EXOC4: variants seen among roughly 807,000 people sequenced by gnomAD.
EXOC4 encodes the protein exocyst complex component 4.
A neutral mutation model predicts 107.2 loss-of-function variants in EXOC4; 71 were observed. The ratio of observed to expected loss-of-function variants is 0.66; its 90% CI spans 0.55 to 0.81. The LOEUF is 0.81. Ranked by LOEUF, EXOC4 falls within the 30% of genes least tolerant of loss-of-function variation. EXOC4 has a pLI of 0.00. For missense variants in EXOC4, 1,108 were observed against 1,189.6 expected (o/e 0.93, Z 1.01); for synonymous variants, 456 against 441.2 (o/e 1.03, Z -0.42).
intron 4 of EXOC4, among the ~76,000 whole-genome samples, chr7:133,306,992 C>T (rs146514217): frequency 1.1e-4 from 17 of 152,244 alleles, no homozygotes; most frequent in Admixed American, 9.2e-4. Flanking sequence ...GTGCATAGTA[C>T]ATGTCCTTCC....
At chr7:133,275,307 G>C in intron 2 of EXOC4, 136 bp downstream of exon 2, 1 of 671,154 alleles carries the variant, frequency 1.5e-6, no homozygotes, top group Non-Finnish European at 2.2e-6. Context: ...AGTTCTGCAG[G>C]TGTCTGGAAA....
In EXOC4 at chr7:134,064,336, C is replaced by G. The variant is rs774258872; in HGVS notation, c.2733C>G (p.Asn911Lys). ...MLYNTADELL[N>K]LVVDQGVKYT... is the part of the protein sequence containing the mutation. ...ACAACACAGCTGACGAGCTCCTGAACCTGGTGGTGGACCAGGGTGTGAAGT... is the reference window on the plus strand; with the variant it reads ...ACAACACAGCTGACGAGCTCCTGAAGCTGGTGGTGGACCAGGGTGTGAAGT... Residue 911 changes from asparagine to lysine, a missense_variant, in exon 18 of 18, where the codon AAC (asparagine) becomes AAG (lysine). Transcript: ENST00000253861. The G allele has an allele frequency of 1.3e-6, 2 of 1,514,042 alleles. No individual in the cohort carries two copies. Among genetic ancestry groups the G allele is most frequent in the Non-Finnish European group, 1.8e-6 (2 of 1,122,214 alleles). 93.8% of individuals were successfully genotyped at this position (1,514,042 alleles called of 1,614,324 possible). A position where few individuals can be genotyped will look rare whatever the true frequency, so the allele number is the denominator to read the frequency against.
chr7:133,611,453 G>T (rs956494787), intron 9 of EXOC4, among the ~76,000 whole-genome samples: 3 of 152,174 alleles, frequency 2.0e-5, no homozygotes, highest in Admixed American at 6.5e-5. Flanking sequence ...CATTTTCATT[G>T]TGTCACTCGC....
At chr7:133,979,162 T>G (rs1285186006) in intron 14 of EXOC4, among the ~76,000 whole-genome samples, 1 of 152,220 alleles carries the variant, frequency 6.6e-6, no homozygotes, top group Non-Finnish European at 1.5e-5. Context: ...TATATTAAAA[T>G]AATTTATAAT....
chr7:133,268,228 C>G (rs1343697), intron 1 of EXOC4, among the ~76,000 whole-genome samples: 23,976 of 152,158 alleles, frequency 0.16, 2,237 homozygotes, highest in Non-Finnish European at 0.22. Flanking sequence ...AGTTGCAGAG[C>G]TCCGTTTGAA....
intron 11 of EXOC4, among the ~76,000 whole-genome samples, chr7:133,857,046 G>A (rs553631261): frequency 1.3e-4 from 19 of 142,926 alleles, no homozygotes; most frequent in African/African-American, 4.4e-4. Context: ...GCAGTGAGCC[G>A]AGATCACGCC....
chr7:134,045,141 G>A (rs1795618842), intron 17 of EXOC4, among the ~76,000 whole-genome samples: 1 of 152,140 alleles, frequency 6.6e-6, no homozygotes, highest in Admixed American at 6.5e-5. Flanking sequence ...ATATAATTAT[G>A]GTCCTCCTTA....
intron 9 of EXOC4, among the ~76,000 whole-genome samples, chr7:133,587,369 C>A (rs1801431596): frequency 6.6e-6 from 1 of 151,998 alleles, no homozygotes; most frequent in South Asian, 2.1e-4. Context: ...TATTAATTGC[C>A]CTTTGGAGAT....
chr7:133,577,763 C>CAT, intron 9 of EXOC4, among the ~76,000 whole-genome samples: 2 of 152,198 alleles, frequency 1.3e-5, no homozygotes, highest in Middle Eastern at 6.8e-3. Flanking sequence ...TTCCGTAGGT[C>CAT]ATATATGTAA....
intron 10 of EXOC4, among the ~76,000 whole-genome samples, chr7:133,725,559 A>G (rs953644492): frequency 6.6e-6 from 1 of 152,136 alleles, no homozygotes; most frequent in South Asian, 2.1e-4. Context: ...TATTTTTAGT[A>G]GAGACAGAGT....
At chr7:133,701,695 G>T (rs1794658429) in intron 10 of EXOC4, among the ~76,000 whole-genome samples, 1 of 152,200 alleles carries the variant, frequency 6.6e-6, no homozygotes, top group Middle Eastern at 3.4e-3. Context: ...GAAATGTTTT[G>T]CATTTCTGAT....
At chr7:134,045,210 C>T (rs1413555550) in intron 17 of EXOC4, among the ~76,000 whole-genome samples, 1 of 152,164 alleles carries the variant, frequency 6.6e-6, no homozygotes, top group Non-Finnish European at 1.5e-5. Context: ...TTCTATCATA[C>T]GTAGAGTTGT....
At chr7:133,671,241 G>A (rs970987179) in intron 10 of EXOC4, among the ~76,000 whole-genome samples, 4 of 150,332 alleles carry the variant, frequency 2.7e-5, no homozygotes, top group African/African-American at 9.8e-5. Context: ...TGACTAGAGG[G>A]CTGTCATAAT....
rs367811009 is a variant in EXOC4 at position 133,851,527 on chromosome 7, G to A, written c.1734+33983G>A. 2.6e-5 allele frequency among the ~76,000 whole-genome samples: 4 copies of A among 152,138 alleles called. No homozygotes were observed. In the East Asian group the frequency reaches 7.7e-4, roughly 29 times the overall value. On this transcript the variant is annotated intron_variant, in intron 11 of 17. Transcript: ENST00000253861. Reference sequence around the variant, plus strand: ...AGTGATGGGGAAAGCATCTCAGAAGGTGCCATTTGAGCTGTTCCTGAATAA... The same window carrying A: ...AGTGATGGGGAAAGCATCTCAGAAGATGCCATTTGAGCTGTTCCTGAATAA...
intron 10 of EXOC4, among the ~76,000 whole-genome samples, chr7:133,784,991 T>C (rs888872123): frequency 4.6e-5 from 7 of 152,184 alleles, no homozygotes; most frequent in Admixed American, 6.5e-5. Context: ...TAGTGTATTG[T>C]AGTTAATTAG....
At chr7:133,824,340 C>T (rs1423703802) in intron 11 of EXOC4, among the ~76,000 whole-genome samples, 1 of 151,930 alleles carries the variant, frequency 6.6e-6, no homozygotes, top group Non-Finnish European at 1.5e-5. Flanking sequence ...CCTCTCTGCC[C>T]ACATTTTCAA....
chr7:133,644,482 G>A (rs1358916061), intron 10 of EXOC4, among the ~76,000 whole-genome samples: 3 of 152,150 alleles, frequency 2.0e-5, no homozygotes, highest in Non-Finnish European at 4.4e-5. Flanking sequence ...GTATATAATA[G>A]CATTAATAGC....
chr7:134,026,030 A>G (rs887878592), intron 17 of EXOC4, among the ~76,000 whole-genome samples: 7 of 152,256 alleles, frequency 4.6e-5, no homozygotes, highest in Non-Finnish European at 5.9e-5. Flanking sequence ...CATTCCATCT[A>G]TTTGTCAGAA....
intron 11 of EXOC4, among the ~76,000 whole-genome samples, chr7:133,832,254 T>C (rs1797826769): frequency 6.6e-6 from 1 of 152,216 alleles, no homozygotes; most frequent in African/African-American, 2.4e-5. Context: ...TTGTAATAGT[T>C]AGACGGTTTT....
Sources: allele counts gnomAD v4.1 joint callset (sites outside exome capture counted in the v4.1 genomes callset), GRCh38; gene constraint gnomAD v4.1.1; transcripts MANE v1.5; gene names NCBI Gene and HGNC (gene_info 2026-07-23, HGNC 2026-07-21).